CASP6: variants seen among roughly 807,000 people sequenced by gnomAD.
The protein encoded by CASP6 is caspase-6.
Under a neutral mutation model 31.8 loss-of-function variants are expected in CASP6, and 20 were observed. The ratio of observed to expected loss-of-function variants is 0.63; its 90% CI spans 0.44 to 0.91. The LOEUF (loss-of-function observed/expected upper bound fraction) is 0.91. Ranked by LOEUF, CASP6 falls within the 40% of genes least tolerant of loss-of-function variation. CASP6 has a pLI of 0.00. For synonymous variants in CASP6, 130 were observed against 127.8 expected (o/e 1.02, Z -0.12); for missense variants, 328 against 361.1 (o/e 0.91, Z 0.74).
chr4:109,674,235 A>G, the CASP6 span: 3 of 717,368 alleles, frequency 4.2e-6, no homozygotes, highest in South Asian at 4.7e-5. Context: ...AGATGGTAAC[A>G]TGGCATTTTG....
chr4:109,691,891 G>C (rs1191803642), intron 5 of CASP6: 1 of 152,156 alleles, frequency 6.6e-6, no homozygotes, highest in Non-Finnish European at 1.5e-5. Flanking sequence ...CAAAAAGGGA[G>C]GCCTCAGAAG....
chr4:109,707,550 C>T (rs532999413), upstream of CASP6, among the ~76,000 whole-genome samples: 32 of 152,188 alleles, frequency 2.1e-4, no homozygotes, highest in African/African-American at 7.5e-4. Flanking sequence ...CCATGCCTGG[C>T]TAATTTTGTA....
chr4:109,684,365 G>A (rs142283712), downstream of CASP6: 1 of 1,225,934 alleles, frequency 8.2e-7, no homozygotes, highest in East Asian at 2.5e-5. Flanking sequence ...CCCGGCAAGA[G>A]TTCCTTTTCA....
At chr4:109,695,624 C>A (rs1227996473) in intron 4 of CASP6, among the ~76,000 whole-genome samples, 2 of 151,626 alleles carry the variant, frequency 1.3e-5, no homozygotes, top group African/African-American at 4.9e-5. Context: ...GGCATGGGGG[C>A]GAGCTACCTG....
the CASP6 span, among the ~76,000 whole-genome samples, chr4:109,666,582 C>A: frequency 2.9e-3 from 434 of 152,270 alleles, 4 homozygotes; most frequent in Non-Finnish European, 3.0e-3. Flanking sequence ...TATTTGCCAT[C>A]TATGTCTTCT....
the CASP6 span, among the ~76,000 whole-genome samples, chr4:109,670,333 T>C: frequency 4.0e-4 from 57 of 142,840 alleles, no homozygotes; most frequent in African/African-American, 1.7e-3. Context: ...GTTGGGTTTT[T>C]CTTTTCCCCT....
chr4:109,704,346 T>C (rs1360474996), upstream of CASP6, among the ~76,000 whole-genome samples: 2 of 152,136 alleles, frequency 1.3e-5, no homozygotes, highest in Non-Finnish European at 2.9e-5. Context: ...GGAAAAAATT[T>C]TGAAGGAAAT....
the CASP6 span, among the ~76,000 whole-genome samples, chr4:109,709,014 T>C: frequency 6.6e-6 from 1 of 152,216 alleles, no homozygotes; most frequent in Non-Finnish European, 1.5e-5. Context: ...TAACCTCTCA[T>C]AGCTTCAAAC....
At chr4:109,696,118 G>A (rs1730231015) in intron 4 of CASP6, among the ~76,000 whole-genome samples, 1 of 152,124 alleles carries the variant, frequency 6.6e-6, no homozygotes, top group Non-Finnish European at 1.5e-5. Flanking sequence ...AGCACCTGTA[G>A]TACTTGCATT....
the CASP6 span, among the ~76,000 whole-genome samples, chr4:109,665,996 AAG>A: frequency 6.6e-6 from 1 of 152,056 alleles, no homozygotes; most frequent in Non-Finnish European, 1.5e-5. Flanking sequence ...GGGGGAAAGG[AAG>A]AGAGAGCAAA....
chr4:109,675,004 C>G, the CASP6 span, among the ~76,000 whole-genome samples: 3 of 152,266 alleles, frequency 2.0e-5, no homozygotes, highest in African/African-American at 7.2e-5. Context: ...GGCTATCACA[C>G]TTGTGAAATT....
At chr4:109,690,745 T>C (rs1463696709) in intron 6 of CASP6, 105 bp downstream of exon 6, 1 of 1,187,142 alleles carries the variant, frequency 8.4e-7, no homozygotes, top group East Asian at 2.5e-5. Context: ...CAGGATGGAA[T>C]CACCATGTCC....
chr4:109,703,542 G>GATCCACGGGAGCCCGGGC, upstream of CASP6: 1 of 1,002,702 alleles, frequency 1.0e-6, no homozygotes, highest in Non-Finnish European at 1.4e-6. Context: ...CGCGCCGCCC[G>GATCCACGGGAGCCCGGGC]GGCTCCCGTG....
In CASP6 at chr4:109,689,694, T is replaced by C. The variant is rs924524246; in HGVS notation, c.644-126A>G. On this transcript the variant is annotated intron_variant, in intron 6 of 6. Coordinates refer to ENST00000265164, the MANE Select transcript of CASP6 (RefSeq NM_001226.4). ...GAAGAGTCTTAAGATGTGTCCATGATATAAATGGCTTTTAAATTTTTTTGA... is the reference window on the plus strand; with the variant it reads ...GAAGAGTCTTAAGATGTGTCCATGACATAAATGGCTTTTAAATTTTTTTGA... The C allele has an allele frequency of 2.6e-5, 21 of 813,824 alleles. 1 individual carries two copies. The highest frequency in any genetic ancestry group is 4.1e-5 in the Non-Finnish European group (21 of 512,084). The allele number at this position is 813,824 out of a possible 1,614,324, so 50.4% of individuals were successfully genotyped here.
the CASP6 span, among the ~76,000 whole-genome samples, chr4:109,680,322 C>G: frequency 1.3e-5 from 2 of 152,310 alleles, no homozygotes; most frequent in East Asian, 3.9e-4. Flanking sequence ...AACCAACTAT[C>G]CACTTTTTGT....
chr4:109,705,275 T>C (rs1730563661), upstream of CASP6, among the ~76,000 whole-genome samples: 1 of 152,238 alleles, frequency 6.6e-6, no homozygotes, highest in Non-Finnish European at 1.5e-5. Context: ...ATTTACAGCA[T>C]GGCTTAGAGA....
At chr4:109,684,385 T>C, downstream of CASP6, 1 of 1,391,180 alleles carries the variant, frequency 7.2e-7, no homozygotes, top group Non-Finnish European at 9.8e-7. Flanking sequence ...ATCTTGCTTT[T>C]TGTCCCTTTA....
chr4:109,677,842 T>C, the CASP6 span, among the ~76,000 whole-genome samples: 1 of 138,744 alleles, frequency 7.2e-6, no homozygotes, highest in Non-Finnish European at 1.5e-5. Context: ...TTTTTATTGA[T>C]CATTCTTGGG....
At chr4:109,667,903 C>G in the CASP6 span, among the ~76,000 whole-genome samples, 1 of 151,448 alleles carries the variant, frequency 6.6e-6, no homozygotes, top group East Asian at 1.9e-4. Context: ...TTCTTTGACC[C>G]ATGTGTTAGA....
Sources: allele counts gnomAD v4.1 joint callset (sites outside exome capture counted in the v4.1 genomes callset), GRCh38; gene constraint gnomAD v4.1.1; transcripts MANE v1.5; gene names NCBI Gene and HGNC (gene_info 2026-07-23, HGNC 2026-07-21).